Variants in CCSER1 observed in about 807,000 individuals in gnomAD.
CCSER1 encodes the protein serine-rich coiled-coil domain-containing protein 1.
CCSER1 carries 41 observed loss-of-function variants against 82.0 expected under a neutral mutation model. The observed-to-expected ratio is 0.50, with a 90% confidence interval of 0.39 to 0.65. The LOEUF is 0.65. CCSER1 is among the 30% of genes least tolerant of loss of function. The probability of loss-of-function intolerance (pLI) is 0.00; values close to 1 mark genes in which losing one functional copy is unlikely to be tolerated. For synonymous variants in CCSER1, 414 were observed against 383.9 expected, an observed-to-expected ratio of 1.08 and a Z score of -0.92; for missense variants, 1,119 against 1,064.2, an observed-to-expected ratio of 1.05 and a Z score of -0.72.
At chr4:90,823,478 AC>A (rs1760032799) in intron 8 of CCSER1, among the ~76,000 whole-genome samples, 1 of 152,116 alleles carries the variant, frequency 6.6e-6, no homozygotes, top group Admixed American at 6.6e-5. Context: ...TTGAGGTGCT[AC>A]TTATTAATGT....
Position 90,299,498 on chromosome 4 carries a change from A to G in CCSER1, c.-41-8746A>G, listed in dbSNP as rs577029907. Among the ~76,000 whole-genome samples, 22 of 152,230 alleles carry G rather than the reference A, an allele frequency of 1.4e-4. No homozygotes were observed. In the South Asian group the frequency reaches 4.3e-3, roughly 30 times the overall value. On this transcript the variant is annotated intron_variant, in intron 1 of 10. Transcript: ENST00000509176. ...TGTGATTTCTGGCTTTTTCTACCTT[A>G]GGCTGACAATCTCATTCTCTTTTCT... is the stretch of plus-strand genomic sequence containing the variant.
At chr4:91,053,604 G>T (rs1386938655) in intron 9 of CCSER1, among the ~76,000 whole-genome samples, 4 of 152,024 alleles carry the variant, frequency 2.6e-5, no homozygotes, top group Non-Finnish European at 4.4e-5. Flanking sequence ...CTTCATGCTT[G>T]GGAATTTATC....
At chr4:90,347,829 C>A (rs567813404) in intron 3 of CCSER1, among the ~76,000 whole-genome samples, 1 of 152,200 alleles carries the variant, frequency 6.6e-6, no homozygotes, top group East Asian at 1.9e-4. Context: ...GCAAATGTAT[C>A]AAACACTTTA....
At chr4:91,105,335 C>T (rs370704662) in intron 10 of CCSER1, among the ~76,000 whole-genome samples, 190 of 152,158 alleles carry the variant, frequency 1.2e-3, no homozygotes, top group South Asian at 2.1e-3. Flanking sequence ...TGCTATTTAC[C>T]CAAGAGCTTC....
At chr4:90,951,146 A>G (rs1312090521) in intron 9 of CCSER1, 2 of 152,106 alleles carry the variant, frequency 1.3e-5, no homozygotes, top group African/African-American at 2.4e-5. Flanking sequence ...GTGGCTCACC[A>G]CTTCATGTCT....
At chr4:90,599,035 G>T (rs551395681) in intron 5 of CCSER1, among the ~76,000 whole-genome samples, 84 of 152,268 alleles carry the variant, frequency 5.5e-4, no homozygotes, top group African/African-American at 2.0e-3. Flanking sequence ...TGGGTCATGG[G>T]GTTCAGGGCA....
chr4:91,213,735 A>G (rs2149088652), intron 10 of CCSER1, among the ~76,000 whole-genome samples: 1 of 152,330 alleles, frequency 6.6e-6, no homozygotes, highest in Admixed American at 6.5e-5. Context: ...GTAGCAATAG[A>G]CACGGGATCC....
chr4:90,316,994 G>A (rs573446817), intron 3 of CCSER1, among the ~76,000 whole-genome samples: 11 of 152,186 alleles, frequency 7.2e-5, no homozygotes, highest in Admixed American at 1.3e-4. Context: ...CTAATGAGTA[G>A]CTTTCTGAAT....
chr4:90,652,357 A>G (rs1378040595), intron 6 of CCSER1, among the ~76,000 whole-genome samples: 1 of 152,168 alleles, frequency 6.6e-6, no homozygotes, highest in East Asian at 1.9e-4. Flanking sequence ...GTTGTATATG[A>G]TTGTAGAAAT....
At chr4:91,425,593 G>A (rs1489700693) in intron 10 of CCSER1, among the ~76,000 whole-genome samples, 1 of 151,840 alleles carries the variant, frequency 6.6e-6, no homozygotes, top group African/African-American at 2.4e-5. Flanking sequence ...AGGACAAAAT[G>A]GTCACTAGTA....
intron 10 of CCSER1, among the ~76,000 whole-genome samples, chr4:91,224,807 A>G (rs569234064): frequency 4.6e-5 from 7 of 151,536 alleles, no homozygotes; most frequent in African/African-American, 1.7e-4. Flanking sequence ...CATTGTTACT[A>G]TTTTTTTTAA....
rs1554012488 is a variant in CCSER1, at chr4:90,781,449, A to T, written c.2011-34313A>T. On this transcript the variant is annotated intron_variant, in intron 7 of 10. Transcript: ENST00000509176. Reference sequence around the variant, plus strand: ...TAACTCATGGCATTTCTTTAAAATCAAATTTAATGAAATGATGGACATAAA... The same window carrying T: ...TAACTCATGGCATTTCTTTAAAATCTAATTTAATGAAATGATGGACATAAA... The T allele has an allele frequency of 1.3e-5, 13 of 984,814 alleles. No homozygotes were observed. The South Asian group carries it at 6.1e-4, about 46-fold the overall frequency. 61.0% of individuals were successfully genotyped at this position (984,814 alleles called of 1,614,324 possible). A position where few individuals can be genotyped will look rare whatever the true frequency, so the allele number is the denominator to read the frequency against.
At chr4:91,210,445 C>T (rs1736720213) in intron 10 of CCSER1, among the ~76,000 whole-genome samples, 1 of 151,008 alleles carries the variant, frequency 6.6e-6, no homozygotes, top group African/African-American at 2.4e-5. Context: ...AAAAGAGTTA[C>T]AGTACTATGA....
At chr4:91,222,754 T>C (rs1737853523) in intron 10 of CCSER1, among the ~76,000 whole-genome samples, 1 of 152,190 alleles carries the variant, frequency 6.6e-6, no homozygotes, top group Non-Finnish European at 1.5e-5. Flanking sequence ...TGCTGTCCAG[T>C]ATGATAGCCA....
At chr4:90,418,692 A>C (rs1756183604) in intron 4 of CCSER1, among the ~76,000 whole-genome samples, 1 of 152,018 alleles carries the variant, frequency 6.6e-6, no homozygotes, top group South Asian at 2.1e-4. Context: ...AAAATGTTAA[A>C]ATCACATGTT....
At chr4:90,199,170 G>C (rs1030916850) in intron 1 of CCSER1, among the ~76,000 whole-genome samples, 1 of 152,004 alleles carries the variant, frequency 6.6e-6, no homozygotes. Context: ...TTGTAATTTG[G>C]AATCTTCTTC....
At chr4:91,150,315 T>C (rs1054872436) in intron 10 of CCSER1, among the ~76,000 whole-genome samples, 2 of 152,216 alleles carry the variant, frequency 1.3e-5, no homozygotes, top group Non-Finnish European at 2.9e-5. Flanking sequence ...CCTGTGATTT[T>C]TGCACATTGA....
chr4:90,402,265 G>A (rs767143733), intron 4 of CCSER1, among the ~76,000 whole-genome samples: 1 of 152,160 alleles, frequency 6.6e-6, no homozygotes, highest in East Asian at 1.9e-4. Context: ...TGACATTCTT[G>A]TTGGTATACT....
intron 10 of CCSER1, among the ~76,000 whole-genome samples, chr4:91,131,643 T>C (rs1728007085): frequency 6.6e-6 from 1 of 152,108 alleles, no homozygotes; most frequent in African/African-American, 2.4e-5. Context: ...CATCAATCTG[T>C]TGATCTAGAT....
Sources: allele counts gnomAD v4.1 joint callset (sites outside exome capture counted in the v4.1 genomes callset), GRCh38; gene constraint gnomAD v4.1.1; transcripts MANE v1.5; gene names NCBI Gene and HGNC (gene_info 2026-07-23, HGNC 2026-07-21).